LUZP2: variants seen among roughly 807,000 people sequenced by gnomAD.
LUZP2 encodes leucine zipper protein 2.
LUZP2 carries 52 observed loss-of-function variants against 51.6 expected under a neutral mutation model. The observed-to-expected ratio is 1.01, with a 90% CI of 0.81 to 1.27. The LOEUF is 1.27. Among genes scored for constraint, LUZP2 ranks in the 50% most tolerant of loss-of-function variants. The probability of loss-of-function intolerance (pLI) is 0.00; values close to 1 mark genes in which losing one functional copy is unlikely to be tolerated. For synonymous variants in LUZP2, 154 were observed against 137.3 expected (o/e 1.12, Z -0.85); for missense variants, 436 against 395.4 (o/e 1.10, Z -0.87).
At chr11:24,911,373 C>A (rs988692399) in intron 6 of LUZP2, among the ~76,000 whole-genome samples, 3 of 152,022 alleles carry the variant, frequency 2.0e-5, no homozygotes, top group African/African-American at 7.2e-5. Context: ...TTTGTTTTTA[C>A]CCAAATCTCA....
intron 4 of LUZP2, among the ~76,000 whole-genome samples, chr11:24,756,644 C>T (rs1859787513): frequency 6.6e-6 from 1 of 152,124 alleles, no homozygotes; most frequent in East Asian, 1.9e-4. Context: ...ACTGTCAAAC[C>T]ATGTTTTTCT....
chr11:24,979,353 C>G (rs2133908787), intron 8 of LUZP2, among the ~76,000 whole-genome samples: 1 of 151,736 alleles, frequency 6.6e-6, no homozygotes, highest in South Asian at 2.1e-4. Flanking sequence ...AAACTATAGC[C>G]ATAAAGTTAG....
chr11:24,930,797 C>G (rs892348419), intron 7 of LUZP2, among the ~76,000 whole-genome samples: 6 of 152,138 alleles, frequency 3.9e-5, no homozygotes, highest in African/African-American at 1.2e-4. Context: ...AAATTTTCCT[C>G]AATTATTGCC....
chr11:24,717,583 ATT>A (rs71041797), intron 1 of LUZP2, among the ~76,000 whole-genome samples: 51,964 of 143,132 alleles, frequency 0.36, 9,399 homozygotes, highest in Non-Finnish European at 0.41. Flanking sequence ...AATTTTTTGT[ATT>A]TTTTTTTTTT....
At chr11:25,062,418 C>G (rs1347113994) in intron 10 of LUZP2, among the ~76,000 whole-genome samples, 2 of 127,298 alleles carry the variant, frequency 1.6e-5, no homozygotes, top group Non-Finnish European at 1.8e-5. Context: ...AACTCTGCCT[C>G]TATAAAGAAT....
intron 5 of LUZP2, among the ~76,000 whole-genome samples, chr11:24,824,812 G>A (rs1850476917): frequency 6.6e-6 from 1 of 151,892 alleles, no homozygotes; most frequent in African/African-American, 2.4e-5. Context: ...TTCATGCGTG[G>A]TACCATGTTA....
intron 1 of LUZP2, among the ~76,000 whole-genome samples, chr11:24,590,465 A>G (rs765515034): frequency 5.3e-5 from 8 of 152,088 alleles, no homozygotes; most frequent in Non-Finnish European, 1.2e-4. Flanking sequence ...GCATATCCTC[A>G]ATTAGAAATG....
chr11:24,998,182 T>C (rs1856565891), intron 9 of LUZP2, among the ~76,000 whole-genome samples: 1 of 152,174 alleles, frequency 6.6e-6, no homozygotes, highest in African/African-American at 2.4e-5. Context: ...TTGATGGGGA[T>C]GGCATTGAAT....
At chr11:24,689,755 A>C (rs904626132) in intron 1 of LUZP2, among the ~76,000 whole-genome samples, 1 of 152,118 alleles carries the variant, frequency 6.6e-6, no homozygotes, top group Admixed American at 6.6e-5. Flanking sequence ...ATCTTTGACA[A>C]TTTAGAACTG....
intron 7 of LUZP2, among the ~76,000 whole-genome samples, chr11:24,950,142 T>C (rs953174686): frequency 4.6e-5 from 7 of 151,066 alleles, no homozygotes; most frequent in Non-Finnish European, 1.0e-4. Context: ...TTATGGATAA[T>C]AGAATATAGG....
chr11:24,589,872 C>A (rs1853198945), intron 1 of LUZP2, among the ~76,000 whole-genome samples: 1 of 152,072 alleles, frequency 6.6e-6, no homozygotes, highest in Non-Finnish European at 1.5e-5. Flanking sequence ...ATTTTCAGTT[C>A]TAACACTGAA....
intron 5 of LUZP2, among the ~76,000 whole-genome samples, chr11:24,788,462 A>G (rs986757735): frequency 6.6e-6 from 1 of 152,066 alleles, no homozygotes; most frequent in Admixed American, 6.6e-5. Flanking sequence ...TGCTGGGATT[A>G]CAGGCGTAAG....
chr11:24,896,868 C>G (rs182988211), intron 5 of LUZP2, among the ~76,000 whole-genome samples: 28 of 152,324 alleles, frequency 1.8e-4, no homozygotes, highest in African/African-American at 6.5e-4. Context: ...CCAATCAGCA[C>G]TCTGTATCTA....
intron 7 of LUZP2, among the ~76,000 whole-genome samples, chr11:24,935,365 G>A (rs148115170): frequency 2.6e-3 from 402 of 152,252 alleles, no homozygotes; most frequent in Non-Finnish European, 4.6e-3. Context: ...TGGTATTTCA[G>A]TGAACTGGTT....
At chr11:24,857,290 CAT>C (rs34461857) in intron 5 of LUZP2, among the ~76,000 whole-genome samples, 55 of 117,836 alleles carry the variant, frequency 4.7e-4, no homozygotes, top group African/African-American at 1.4e-3. Flanking sequence ...TATATATATA[CAT>C]ATATATATAT....
At chr11:25,077,296 T>A (rs370259548) in intron 10 of LUZP2, 33 bp from the exon 11 acceptor site, 742 of 1,500,890 alleles carry the variant, frequency 4.9e-4, no homozygotes, top group Non-Finnish European at 6.6e-4. Context: ...TTCTTTAACT[T>A]CATTGATGTA....
intron 1 of LUZP2, among the ~76,000 whole-genome samples, chr11:24,687,531 T>C (rs1430247779): frequency 2.6e-5 from 4 of 152,178 alleles, no homozygotes; most frequent in African/African-American, 7.2e-5. Flanking sequence ...TTGTCCTAGG[T>C]CACAGAGCCG....
intron 1 of LUZP2, among the ~76,000 whole-genome samples, chr11:24,675,912 G>A (rs1856533310): frequency 1.3e-5 from 2 of 151,812 alleles, no homozygotes; most frequent in South Asian, 2.1e-4. Flanking sequence ...TCCCCCTCCC[G>A]GGTTGAAGTG....
chr11:24,765,623 T>TTC (rs1554987505), intron 5 of LUZP2, among the ~76,000 whole-genome samples: 116 of 145,326 alleles, frequency 8.0e-4, no homozygotes, highest in African/African-American at 2.9e-3. Flanking sequence ...CTTTTTTTTC[T>TTC]TTTTTCTTTT....
Sources: allele counts gnomAD v4.1 joint callset (sites outside exome capture counted in the v4.1 genomes callset), GRCh38; gene constraint gnomAD v4.1.1; transcripts MANE v1.5; gene names NCBI Gene and HGNC (gene_info 2026-07-23, HGNC 2026-07-21).